TRAK2: variants seen among roughly 807,000 people sequenced by gnomAD.
TRAK2 encodes the protein trafficking kinesin protein 2.
TRAK2 carries 81 observed loss-of-function variants against 104.6 expected under a neutral mutation model. The ratio of observed to expected loss-of-function variants is 0.77; its 90% CI spans 0.65 to 0.93. The LOEUF (loss-of-function observed/expected upper bound fraction) is 0.93, where lower values mean the gene tolerates loss of function less well. Ranked by LOEUF, TRAK2 falls within the 40% of genes least tolerant of loss-of-function variation. TRAK2 has a pLI of 0.00. For missense variants in TRAK2, 1,002 were observed against 1,089.0 expected (o/e 0.92, Z 1.12); for synonymous variants, 406 against 394.4 (o/e 1.03, Z -0.35).
chr2:201,414,424 G>T (rs1381549907), intron 2 of TRAK2, among the ~76,000 whole-genome samples: 1 of 152,150 alleles, frequency 6.6e-6, no homozygotes, highest in Non-Finnish European at 1.5e-5. Flanking sequence ...CTCTAGCTCT[G>T]GCAAAGAACA....
Position 201,407,643 on chromosome 2 carries a change from T to C in TRAK2, c.92-46A>G, listed in dbSNP as rs760920835. ...AAATGAATCCAATATATTTCAACTT[T>C]TACTAGGCTACAGAGAAAATTGATG... On this transcript the variant is annotated intron_variant, in intron 2 of 15. Transcript: ENST00000332624. 6.0e-6 allele frequency: 9 copies of C among 1,506,272 alleles called. No homozygotes were observed. In the African/African-American group the frequency reaches 8.5e-5, roughly 14 times the overall value. 93.3% of individuals were successfully genotyped at this position (1,506,272 alleles called of 1,614,324 possible).
Position 201,387,946 on chromosome 2 carries a change from C to T in TRAK2, c.1453G>A (p.Ala485Thr), listed in dbSNP as rs560524776. Residue 485 changes from alanine (A) to threonine (T), a missense_variant, in exon 13 of 16, where the codon GCA becomes ACA. Physicochemically the swap from Ala to Thr is moderately conservative, Grantham distance 58. Coordinates refer to ENST00000332624, the MANE Select transcript of TRAK2 (RefSeq NM_015049.3). ...CGACGCAAGCTAAGGCGATGCAGTGCTGTAGCCAAATCACTATCTCCTGAG... is the reference window on the plus strand; with the variant it reads ...CGACGCAAGCTAAGGCGATGCAGTGTTGTAGCCAAATCACTATCTCCTGAG... ...GPSGDSDLATALHRLSLRRQN... is the reference protein window; with the variant it reads ...GPSGDSDLATTLHRLSLRRQN... The T allele has an allele frequency of 6.2e-7, 1 of 1,614,142 alleles. No individual in the cohort carries two copies. Among genetic ancestry groups the T allele is most frequent in the East Asian group, 2.2e-5 (1 of 44,878 alleles).
chr2:201,386,588 TAA>T, intron 13 of TRAK2, 104 bp from the exon 14 acceptor site: 3 of 1,387,820 alleles, frequency 2.2e-6, no homozygotes, highest in Non-Finnish European at 3.0e-6. Flanking sequence ...ATGACAGCAA[TAA>T]AACTATTTAT....
At chr2:201,421,653 CA>C (rs994710644) in intron 1 of TRAK2, among the ~76,000 whole-genome samples, 65 of 150,846 alleles carry the variant, frequency 4.3e-4, no homozygotes, top group African/African-American at 1.5e-3. Flanking sequence ...AAAATATAAA[CA>C]AAAAAAAAGT....
chr2:201,418,739 CA>C (rs1310976264), intron 2 of TRAK2, among the ~76,000 whole-genome samples: 1 of 152,054 alleles, frequency 6.6e-6, no homozygotes, highest in Admixed American at 6.5e-5. Context: ...AACTTGGACC[CA>C]AACCTAATTC....
intron 1 of TRAK2, among the ~76,000 whole-genome samples, chr2:201,445,142 A>G (rs1951954696): frequency 6.6e-6 from 1 of 152,212 alleles, no homozygotes; most frequent in African/African-American, 2.4e-5. Flanking sequence ...TTCTAGCATG[A>G]ATAAACCACA....
In TRAK2 at chr2:201,433,181, GA is replaced by G. The variant is rs112448034; in HGVS notation, c.-199-12476del. On this transcript the variant is annotated intron_variant, in intron 1 of 15. Transcript: ENST00000332624. ...TATCATGGCTTCAGTGCTAAGAGCT[GA>G]AAAAAAGGCGGGAGGAGCATCACCA... Among the ~76,000 whole-genome samples the G allele has an allele frequency of 6.4e-4, 97 of 152,202 alleles. 1 individual carries two copies. The highest frequency in any genetic ancestry group is 2.2e-3 in the African/African-American group (90 of 41,528).
chr2:201,386,882 G>C (rs1297046584), intron 13 of TRAK2, among the ~76,000 whole-genome samples: 1 of 152,216 alleles, frequency 6.6e-6, no homozygotes, highest in Non-Finnish European at 1.5e-5. Flanking sequence ...CAAAAGCCAG[G>C]CTCCCAGGGA....
chr2:201,448,749 T>C (rs1229733946), intron 1 of TRAK2, among the ~76,000 whole-genome samples: 1 of 152,106 alleles, frequency 6.6e-6, no homozygotes, highest in Non-Finnish European at 1.5e-5. Flanking sequence ...CGTATTTTAA[T>C]TTTTTTTAGA....
intron 12 of TRAK2, among the ~76,000 whole-genome samples, chr2:201,388,859 A>G (rs896293239): frequency 7.2e-5 from 11 of 152,220 alleles, no homozygotes; most frequent in African/African-American, 1.2e-4. Context: ...CCAAACATCT[A>G]TCTTGCAAAG....
chr2:201,402,329 G>C (rs1576515671), intron 3 of TRAK2, among the ~76,000 whole-genome samples: 1 of 151,980 alleles, frequency 6.6e-6, no homozygotes, highest in African/African-American at 2.4e-5. Flanking sequence ...ACTTTTATCT[G>C]AGCTTATTTT....
Position 201,403,398 on chromosome 2 carries a change from C to A in TRAK2, c.287-2304G>T, listed in dbSNP as rs148810672. On this transcript the variant is annotated intron_variant, in intron 3 of 15. Coordinates refer to ENST00000332624, the MANE Select transcript of TRAK2 (RefSeq NM_015049.3). ...GTATGGAGATGATAATAACGCTCAT[C>A]TCACAAGGTCATTAGAAAAAACTCA... Among the ~76,000 whole-genome samples, 145 of 152,208 alleles carry A rather than the reference C, an allele frequency of 9.5e-4. 3 individuals carry two copies. The highest frequency in any genetic ancestry group is 9.3e-3 in the South Asian group (45 of 4,818).
intron 2 of TRAK2, chr2:201,410,785 T>G (rs1951638739): frequency 6.2e-7 from 1 of 1,605,932 alleles, no homozygotes; most frequent in Admixed American, 1.7e-5. Flanking sequence ...CATGCTAACT[T>G]TGGGTTTCTG....
intron 2 of TRAK2, chr2:201,411,371 T>G (rs893071223): frequency 4.6e-5 from 34 of 736,276 alleles, no homozygotes; most frequent in Non-Finnish European, 8.4e-5. Flanking sequence ...TCAGAAGGTC[T>G]GCTCCAATGT....
intron 10 of TRAK2, among the ~76,000 whole-genome samples, chr2:201,390,842 C>T (rs895327509): frequency 6.7e-6 from 1 of 148,854 alleles, no homozygotes; most frequent in Non-Finnish European, 1.5e-5. Context: ...AAGCAAGCTT[C>T]CTCTTCCTCT....
Position 201,409,463 on chromosome 2 carries a change from C to T in TRAK2, c.92-1866G>A, listed in dbSNP as rs374530346. 9.8e-5 allele frequency among the ~76,000 whole-genome samples: 15 copies of T among 152,312 alleles called. 1 individual carries two copies. The highest frequency in any genetic ancestry group is 3.4e-4 in the African/African-American group (14 of 41,570). ...ATGAAGTTAGTAGTCAGGGAAGTCA[C>T]ATCAGAGTGCTTTGTCAAATATCCA... On this transcript the variant is annotated intron_variant, in intron 2 of 15. Coordinates refer to ENST00000332624, the MANE Select transcript of TRAK2 (RefSeq NM_015049.3).
chr2:201,414,666 TA>T (rs1404399123), intron 2 of TRAK2, among the ~76,000 whole-genome samples: 4 of 152,174 alleles, frequency 2.6e-5, no homozygotes, highest in African/African-American at 9.7e-5. Context: ...ACAGATCTCT[TA>T]AATAGGAGAC....
chr2:201,399,469 C>T lies in TRAK2; in HGVS notation c.388G>A (p.Ala130Thr). 2 of 1,612,506 alleles carry T rather than the reference C, an allele frequency of 1.2e-6. No individual in the cohort carries two copies. Among genetic ancestry groups the T allele is most frequent in the Non-Finnish European group, 1.7e-6 (2 of 1,178,836 alleles). ...TTTAAGAGAGCTTGTCCAATTCGAG[C>T]AGCGAGTTCCAGATCACGATCCCTC... The part of the protein sequence containing the change: ...AERDRDLELA[A>T]RIGQALLKRN... Residue 130 changes from alanine (A) to threonine (T), a missense_variant, in exon 5 of 16, where the codon GCT (alanine) becomes ACT (threonine). Transcript: ENST00000332624.
chr2:201,380,278 A>T lies in TRAK2; in HGVS notation c.*265T>A. 1 of 486,914 alleles carries T rather than the reference A, an allele frequency of 2.1e-6. No homozygotes were observed. Among genetic ancestry groups the T allele is most frequent in the Non-Finnish European group, 3.7e-6 (1 of 271,928 alleles). The allele number at this position is 486,914 out of a possible 1,614,324, so 30.2% of individuals were successfully genotyped here. On this transcript the variant is annotated 3_prime_UTR_variant, in exon 16 of 16. Transcript: ENST00000332624. The stretch of plus-strand genomic sequence containing the variant: ...TTTGTATTCACTTTTTATGTTCAAG[A>T]CAAGAAAACTCAACTGAAGGAGTAT...
Sources: gnomAD v4.1 joint callset for allele counts (sites outside exome capture counted in the v4.1 genomes callset) on GRCh38, gnomAD v4.1.1 for gene constraint, MANE v1.5 for transcripts, NCBI Gene and HGNC (gene_info 2026-07-23, HGNC 2026-07-21) for gene names.